The following PIEZO2 variants were observed in gnomAD, a reference collection of about 807,000 sequenced individuals.
The protein encoded by PIEZO2 is piezo type mechanosensitive ion channel component 2.
In PIEZO2, 172 loss-of-function variants were observed where a neutral mutation model predicts 337.3. The observed-to-expected ratio is 0.51, with a 90% CI of 0.45 to 0.58. PIEZO2 has a LOEUF of 0.58. PIEZO2 is among the 20% of genes least tolerant of loss of function. The pLI, the probability that PIEZO2 is intolerant of heterozygous loss-of-function variation, is 0.00. For missense variants in PIEZO2, 3,028 were observed against 3,391.3 expected, an observed-to-expected ratio of 0.89 and a Z score of 2.66; for synonymous variants, 1,251 against 1,228.5, an observed-to-expected ratio of 1.02 and a Z score of -0.38.
At chr18:10,705,823 A>G in intron 40 of PIEZO2, 77 bp from the exon 41 acceptor site, 2 of 1,418,462 alleles carry the variant, frequency 1.4e-6, no homozygotes, top group South Asian at 3.0e-5. Context: ...TTCCTGAGAG[A>G]CCTCATCAGA....
intron 3 of PIEZO2, among the ~76,000 whole-genome samples, chr18:10,917,396 C>T (rs1328109557): frequency 2.6e-5 from 4 of 152,084 alleles, no homozygotes. Flanking sequence ...TTTATATTTT[C>T]ATGAACATCA....
rs1024946702 is a variant in PIEZO2, at chr18:10,862,163, A to C, written c.493-4952T>G. 1.3e-5 allele frequency among the ~76,000 whole-genome samples: 2 copies of C among 152,202 alleles called. No individual in the cohort carries two copies. The highest frequency in any genetic ancestry group is 2.4e-5 in the African/African-American group (1 of 41,460). ...GATTTGCTCATTCCACAATGTATAC[A>C]TGTATCAAAATACCACATTATATAC... is the stretch of plus-strand genomic sequence containing the variant. On this transcript the variant is annotated intron_variant, in intron 5 of 55. Coordinates refer to ENST00000674853, the MANE Select transcript of PIEZO2 (RefSeq NM_001378183.1). The surrounding 1 kb of genome is among the most constrained non-coding windows in gnomAD (Gnocchi z 4.4).
At chr18:10,914,637 G>A (rs1378452529) in intron 3 of PIEZO2, among the ~76,000 whole-genome samples, 1 of 151,956 alleles carries the variant, frequency 6.6e-6, no homozygotes, top group Non-Finnish European at 1.5e-5. Flanking sequence ...TGAATTTGTT[G>A]GTGCAGAACC....
At chr18:10,915,506 A>G (rs1193285014) in intron 3 of PIEZO2, among the ~76,000 whole-genome samples, 1 of 152,156 alleles carries the variant, frequency 6.6e-6, no homozygotes, top group East Asian at 1.9e-4. Context: ...AAGTTTAACA[A>G]TTTCTAGCCA....
At chr18:10,751,384 C>G (rs2037638051) in intron 28 of PIEZO2, among the ~76,000 whole-genome samples, 1 of 152,178 alleles carries the variant, frequency 6.6e-6, no homozygotes, top group Non-Finnish European at 1.5e-5. Flanking sequence ...TTAGAATGAA[C>G]CAGAGTTCTG....
chr18:10,829,738 C>A (rs2040786277), intron 7 of PIEZO2, among the ~76,000 whole-genome samples: 1 of 151,762 alleles, frequency 6.6e-6, no homozygotes, highest in Admixed American at 6.6e-5. Flanking sequence ...AGGAATTAAC[C>A]AAAAATGTGA....
Position 10,837,649 on chromosome 18 carries a change from G to T in PIEZO2, c.917+17704C>A, listed in dbSNP as rs2041058511. 6.6e-6 allele frequency among the ~76,000 whole-genome samples: 1 copy of T among 152,138 alleles called. No individual in the cohort carries two copies. The highest frequency in any genetic ancestry group is 2.4e-5 in the African/African-American group (1 of 41,432). ...CAGAACAGAATTAATTTTTACATAT[G>T]AATGAAAACAAAGACATACCATCAA... is the stretch of plus-strand genomic sequence containing the variant. On this transcript the variant is annotated intron_variant, in intron 7 of 55. Coordinates refer to ENST00000674853, the MANE Select transcript of PIEZO2 (RefSeq NM_001378183.1). This position sits in a 1 kb window ranked among gnomAD's most constrained non-coding sequence, Gnocchi z 4.4.
chr18:10,879,455 G>A (rs538382991), intron 4 of PIEZO2, among the ~76,000 whole-genome samples: 2 of 132,730 alleles, frequency 1.5e-5, no homozygotes, highest in Admixed American at 1.8e-4. Flanking sequence ...GAGTGCAGTA[G>A]TGCGATCTCG....
In PIEZO2 at chr18:11,101,684, A is replaced by C. The variant is rs1014028436; in HGVS notation, c.65-35462T>G. On this transcript the variant is annotated intron_variant, in intron 1 of 55. Coordinates refer to ENST00000674853, the MANE Select transcript of PIEZO2 (RefSeq NM_001378183.1). This position sits in a 1 kb window ranked among gnomAD's most constrained non-coding sequence, Gnocchi z 4.4. Reference sequence around the variant, plus strand: ...GACTATGTTCAGTGTTTATATCCTCACAGAGAATTTCCTAAAGCATTTAAG... The same window carrying C: ...GACTATGTTCAGTGTTTATATCCTCCCAGAGAATTTCCTAAAGCATTTAAG... Among the ~76,000 whole-genome samples, 24 of 152,226 alleles carry C rather than the reference A, an allele frequency of 1.6e-4. No homozygotes were observed. The highest frequency in any genetic ancestry group is 1.3e-3 in the Admixed American group (20 of 15,282).
intron 2 of PIEZO2, among the ~76,000 whole-genome samples, chr18:11,023,181 C>G (rs2145721830): frequency 6.6e-6 from 1 of 152,188 alleles, no homozygotes; most frequent in Admixed American, 6.5e-5. Context: ...GGGACCCGAC[C>G]CAGTTGCCAC....
chr18:10,995,793 C>T (rs899095699), intron 2 of PIEZO2, among the ~76,000 whole-genome samples: 2 of 152,102 alleles, frequency 1.3e-5, no homozygotes, highest in African/African-American at 4.8e-5. Context: ...TGCCATGGGG[C>T]CACTATGCTG....
At position 11,027,172 on chromosome 18, in the gene PIEZO2, T is replaced by A. The variant is rs1307719854; in HGVS notation, c.160+38955A>T. Among the ~76,000 whole-genome samples, 2 of 152,174 alleles carry A rather than the reference T, an allele frequency of 1.3e-5. No individual in the cohort carries two copies. The highest frequency in any genetic ancestry group is 2.9e-5 in the Non-Finnish European group (2 of 68,032). On this transcript the variant is annotated intron_variant, in intron 2 of 55. Transcript: ENST00000674853. This position sits in a 1 kb window ranked among gnomAD's most constrained non-coding sequence, Gnocchi z 4.2. ...AGTAGGAGCCAGAATTCAAGGGGCT[T>A]GGGGATGGAATTTGAAGAGACCCCA... is the stretch of plus-strand genomic sequence containing the variant.
chr18:10,959,410 T>G (rs539824775), intron 3 of PIEZO2, among the ~76,000 whole-genome samples: 5 of 152,330 alleles, frequency 3.3e-5, no homozygotes, highest in African/African-American at 1.2e-4. Flanking sequence ...ATTATTTGAA[T>G]GGAGAGAAAT....
chr18:11,077,581 G>A lies in PIEZO2; in HGVS notation c.65-11359C>T, dbSNP rs2038589349. Among the ~76,000 whole-genome samples, 1 of 152,150 alleles carries A rather than the reference G, an allele frequency of 6.6e-6. No individual in the cohort carries two copies. Among genetic ancestry groups the A allele is most frequent in the South Asian group, 2.1e-4 (1 of 4,824 alleles). On this transcript the variant is annotated intron_variant, in intron 1 of 55. Coordinates refer to ENST00000674853, the MANE Select transcript of PIEZO2 (RefSeq NM_001378183.1). This position sits in a 1 kb window ranked among gnomAD's most constrained non-coding sequence, Gnocchi z 4.8. ...GCTACTCTACATGGGAGACTGAGGTGGGAGGATTGCTTGAGCCCAGGAGTT... is the reference window on the plus strand; with the variant it reads ...GCTACTCTACATGGGAGACTGAGGTAGGAGGATTGCTTGAGCCCAGGAGTT...
rs1598954911 is a variant in PIEZO2 at position 11,097,147 on chromosome 18, T to G, written c.65-30925A>C. 6.6e-6 allele frequency among the ~76,000 whole-genome samples: 1 copy of G among 152,262 alleles called. No individual in the cohort carries two copies. Among genetic ancestry groups the G allele is most frequent in the East Asian group, 1.9e-4 (1 of 5,174 alleles). ...TTTCGGCAAACAGGTGTCTGCAAAC[T>G]ACATCCCTCCGGCTAAATCCCGCCC... On this transcript the variant is annotated intron_variant, in intron 1 of 55. Coordinates refer to ENST00000674853, the MANE Select transcript of PIEZO2 (RefSeq NM_001378183.1). This position sits in a 1 kb window ranked among gnomAD's most constrained non-coding sequence, Gnocchi z 5.0.
chr18:10,940,776 C>T lies in PIEZO2; in HGVS notation c.287-29548G>A, dbSNP rs1015278948. 2.6e-5 allele frequency among the ~76,000 whole-genome samples: 4 copies of T among 151,952 alleles called. No individual in the cohort carries two copies. Among genetic ancestry groups the T allele is most frequent in the Admixed American group, 1.3e-4 (2 of 15,254 alleles). On this transcript the variant is annotated intron_variant, in intron 3 of 55. Transcript: ENST00000674853. The surrounding 1 kb of genome is among the most constrained non-coding windows in gnomAD (Gnocchi z 5.3). ...ACTGGGGAGGCTGAGGCAGAAGAAT[C>T]GCTTGAACCCGGGAGGCAGAGGTTG... is the stretch of plus-strand genomic sequence containing the variant.
chr18:10,706,160 G>T (rs1282965519), intron 40 of PIEZO2, among the ~76,000 whole-genome samples: 5 of 152,148 alleles, frequency 3.3e-5, no homozygotes, highest in Non-Finnish European at 5.9e-5. Flanking sequence ...TTGACCAAGA[G>T]CTAAGTCTTA....
chr18:10,718,386 G>T lies in PIEZO2; in HGVS notation c.5030-127C>A, dbSNP rs1297303474. On this transcript the variant is annotated intron_variant, in intron 36 of 55. Coordinates refer to ENST00000674853, the MANE Select transcript of PIEZO2 (RefSeq NM_001378183.1). ...GGACATTCTATTTCAAGAGTTCCTT[G>T]GGGAAAGGTTGTTAGAATTCATAGC... The T allele has an allele frequency of 1.8e-5, 14 of 763,812 alleles. No individual in the cohort carries two copies. The Admixed American group carries it at 3.7e-4, about 20-fold the overall frequency. The allele number at this position is 763,812 out of a possible 1,614,324, so 47.3% of individuals were successfully genotyped here. A position where few individuals can be genotyped will look rare whatever the true frequency, so the allele number is the denominator to read the frequency against.
At position 10,696,241 on chromosome 18, in the gene PIEZO2, C is replaced by A; in HGVS notation, c.7023G>T (p.Gln2341His). Residue 2341 changes from glutamine to histidine, a missense_variant, in exon 47 of 56, where the codon CAG becomes CAT. Coordinates refer to ENST00000674853, the MANE Select transcript of PIEZO2 (RefSeq NM_001378183.1). ...ADITSSLSED[Q>H]VPGPFLVMVL... Reference sequence around the variant, plus strand: ...CCATCACCAAAAACGGCCCCGGGACCTGGTCCTCTGACAGTGAAGAGGTGA... The same window carrying A: ...CCATCACCAAAAACGGCCCCGGGACATGGTCCTCTGACAGTGAAGAGGTGA... 2 of 1,614,224 alleles carry A rather than the reference C, an allele frequency of 1.2e-6. No individual in the cohort carries two copies. Among genetic ancestry groups the A allele is most frequent in the Non-Finnish European group, 1.7e-6 (2 of 1,180,036 alleles).
Sources: allele counts gnomAD v4.1 joint callset (sites outside exome capture counted in the v4.1 genomes callset), GRCh38; gene constraint gnomAD v4.1.1; non-coding constraint Gnocchi (gnomAD v3.1); transcripts MANE v1.5; gene names NCBI Gene and HGNC (gene_info 2026-07-23, HGNC 2026-07-21).